FAT1: variants seen among roughly 807,000 people sequenced by gnomAD.
The protein encoded by FAT1 is FAT atypical cadherin 1, also known as protocadherin Fat 1.
FAT1 carries 171 observed loss-of-function variants against 329.8 expected under a neutral mutation model. The observed-to-expected ratio is 0.52, with a 90% CI of 0.46 to 0.59. The LOEUF (loss-of-function observed/expected upper bound fraction) is 0.59, where lower values mean the gene tolerates loss of function less well. Ranked by LOEUF, FAT1 falls within the 20% of genes least tolerant of loss-of-function variation. The pLI is 0.00. For synonymous variants in FAT1, 2,233 were observed against 2,228.6 expected (o/e 1.00, Z -0.06); for missense variants, 5,672 against 5,774.4 (o/e 0.98, Z 0.57).
chr4:186,642,231 A>G (rs1560959868), intron 3 of FAT1, among the ~76,000 whole-genome samples: 1 of 152,162 alleles, frequency 6.6e-6, no homozygotes, highest in Non-Finnish European at 1.5e-5. Flanking sequence ...AAGCGGGTTT[A>G]AACTTTTAAA....
chr4:186,588,518 T>G lies in FAT1; in HGVS notation c.*74A>C, dbSNP rs1440425494. On this transcript the variant is annotated 3_prime_UTR_variant, in exon 27 of 27. Coordinates refer to ENST00000441802, the MANE Select transcript of FAT1 (RefSeq NM_005245.4). ...ACCAAAAAAAGCTTGGAAGCACTGC[T>G]GCAAAGAACAGCGCGGATTACTCAC... is the stretch of plus-strand genomic sequence containing the variant. The G allele has an allele frequency of 2.0e-6, 3 of 1,508,988 alleles. No individual in the cohort carries two copies. Among genetic ancestry groups the G allele is most frequent in the East Asian group, 4.5e-5 (2 of 43,976 alleles). 93.5% of individuals were successfully genotyped at this position (1,508,988 alleles called of 1,614,324 possible).
At chr4:186,605,552 A>AGAGAAGGAGGAGGGG (rs1739085690) in intron 17 of FAT1, among the ~76,000 whole-genome samples, 1 of 89,752 alleles carries the variant, frequency 1.1e-5, no homozygotes. Flanking sequence ...AGGAGGAGGA[A>AGAGAAGGAGGAGGGG]TGGAGAAGAG....
intron 7 of FAT1, 67 bp downstream of exon 7, chr4:186,633,617 T>C: frequency 6.3e-7 from 1 of 1,579,234 alleles, no homozygotes. Flanking sequence ...ATATTGCCCG[T>C]GGACCCCTAA....
intron 11 of FAT1, 64 bp downstream of exon 11, chr4:186,616,941 T>C: frequency 7.1e-7 from 1 of 1,408,712 alleles, no homozygotes; most frequent in Non-Finnish European, 9.8e-7. Context: ...CAAATGATGG[T>C]CCCATTGAAA....
At chr4:186,720,251 T>C (rs1416122614) in intron 1 of FAT1, among the ~76,000 whole-genome samples, 1 of 152,214 alleles carries the variant, frequency 6.6e-6, no homozygotes, top group African/African-American at 2.4e-5. Flanking sequence ...ATACAGCTTA[T>C]TTGTTTTCAC....
chr4:186,702,734 C>T (rs1744388093), intron 2 of FAT1, among the ~76,000 whole-genome samples: 1 of 152,146 alleles, frequency 6.6e-6, no homozygotes, highest in Non-Finnish European at 1.5e-5. Context: ...TCCACACACC[C>T]ACAAGAGGGA....
At chr4:186,719,821 C>T (rs1453243081) in intron 1 of FAT1, among the ~76,000 whole-genome samples, 1 of 152,220 alleles carries the variant, frequency 6.6e-6, no homozygotes, top group Non-Finnish European at 1.5e-5. Flanking sequence ...TCTGCTGCTA[C>T]CACCTAGTTA....
rs774890495 is a variant in FAT1 at position 186,707,102 on chromosome 4, G to A, written c.2726C>T (p.Ser909Phe). ...DQAREEPQLF[S>F]TVVVKVSLED... The stretch of plus-strand genomic sequence containing the variant: ...TAGTGATACTTTCACAACGACAGTG[G>A]AGAACAGCTGAGGCTCTTCTCTGGC... Residue 909 changes from serine to phenylalanine, a missense_variant, in exon 2 of 27, where the codon TCC becomes TTC. Physicochemically the swap from Ser to Phe is radical, Grantham distance 155. Around this residue, in one of 2 missense-constraint regions of FAT1, gnomAD observed 3,966 missense variants for 3,915.2 expected, o/e 1.01. Transcript: ENST00000441802. The A allele has an allele frequency of 1.2e-6, 2 of 1,614,014 alleles. No homozygotes were observed. Among genetic ancestry groups the A allele is most frequent in the Non-Finnish European group, 1.7e-6 (2 of 1,179,892 alleles).
At chr4:186,682,156 C>T (rs1040763419) in intron 2 of FAT1, among the ~76,000 whole-genome samples, 3 of 152,166 alleles carry the variant, frequency 2.0e-5, no homozygotes, top group African/African-American at 7.2e-5. Flanking sequence ...GGTTGCCACC[C>T]AGATTCAGGA....
chr4:186,720,329 T>C (rs1388684901), intron 1 of FAT1, among the ~76,000 whole-genome samples: 1 of 152,262 alleles, frequency 6.6e-6, no homozygotes, highest in African/African-American at 2.4e-5. Flanking sequence ...AATCCTCCCT[T>C]TTTTAATAAG....
In FAT1 at chr4:186,603,580, T is replaced by C. The variant is rs373810205; in HGVS notation, c.10946A>G (p.Asn3649Ser). The C allele has an allele frequency of 3.7e-5, 59 of 1,613,850 alleles. No individual in the cohort carries two copies. Among genetic ancestry groups the C allele is most frequent in the South Asian group, 3.1e-4 (28 of 91,084 alleles). Residue 3649 changes from asparagine to serine, a missense_variant, in exon 19 of 27, where the codon AAC becomes AGC. Coordinates refer to ENST00000441802, the MANE Select transcript of FAT1 (RefSeq NM_005245.4). ...ACCAACGAATTCTTCCGGAGTGAGGTTGGCAAAGCGGATCGCGATGGTGTG... is the reference window on the plus strand; with the variant it reads ...ACCAACGAATTCTTCCGGAGTGAGGCTGGCAAAGCGGATCGCGATGGTGTG... ...LNHTIAIRFA[N>S]LTPEEFVGDY...
intron 3 of FAT1, among the ~76,000 whole-genome samples, chr4:186,644,809 AGTAGGTG>A (rs1741280057): frequency 6.6e-6 from 1 of 152,264 alleles, no homozygotes; most frequent in Non-Finnish European, 1.5e-5. Flanking sequence ...TCAAAGGACT[AGTAGGTG>A]AAGACAGTCA....
rs2126410059 is a variant in FAT1 at position 186,599,974 on chromosome 4, G to A, written c.12027C>T (p.Cys4009=). The change falls in exon 22 of 27, where the codon TGC becomes TGT. Residue 4009 remains cysteine, a synonymous_variant. Transcript: ENST00000441802. ...IEESVDVSPG[C]FLTATEDCAS... is the part of the protein sequence containing the mutation. ...CGCAGTCTTCCGTGGCCGTCAGGAA[G>A]CAGCCTGGAGATACATCCACCGACT... 6.2e-7 allele frequency: 1 copy of A among 1,614,006 alleles called. No individual in the cohort carries two copies.
chr4:186,680,781 T>C (rs1009551611), intron 2 of FAT1, among the ~76,000 whole-genome samples: 2 of 152,220 alleles, frequency 1.3e-5, no homozygotes, highest in Non-Finnish European at 2.9e-5. Flanking sequence ...AAGCCATAAC[T>C]GGAACCCAAA....
At position 186,611,928 on chromosome 4, in the gene FAT1, A is replaced by AG. The variant is rs528784558; in HGVS notation, c.9464-154_9464-153insC. ...AACCTCTGTCCCCCAGGTTCAAGCA[A>AG]TTCTCCTGCCTCAGCCTCCCGAGTG... On this transcript the variant is annotated intron_variant, in intron 13 of 26. Coordinates refer to ENST00000441802, the MANE Select transcript of FAT1 (RefSeq NM_005245.4). Among the ~76,000 whole-genome samples, 93 of 151,638 alleles carry AG rather than the reference A, an allele frequency of 6.1e-4. 1 individual carries two copies. In the East Asian group the frequency reaches 0.017, roughly 27 times the overall value.
Position 186,682,526 on chromosome 4 carries a change from C to CAAAAAA in FAT1, c.3266-18919_3266-18914dup, listed in dbSNP as rs10561120. ...TGAGTGAAAGAGCGAGACTCTGTCT[C>CAAAAAA]AAAAAAAAAAAAAAAAAAGAAAGTT... On this transcript the variant is annotated intron_variant, in intron 2 of 26. Coordinates refer to ENST00000441802, the MANE Select transcript of FAT1 (RefSeq NM_005245.4). Among the ~76,000 whole-genome samples, 308 of 119,632 alleles carry CAAAAAA rather than the reference C, an allele frequency of 2.6e-3. 16 individuals carry two copies. Among genetic ancestry groups the CAAAAAA allele is most frequent in the African/African-American group, 1.0e-2 (253 of 25,340 alleles). The allele number at this position is 119,632 out of a possible 152,430, so 78.5% of individuals were successfully genotyped here.
At chr4:186,637,899 C>G (rs886890763) in intron 4 of FAT1, among the ~76,000 whole-genome samples, 4 of 152,172 alleles carry the variant, frequency 2.6e-5, no homozygotes, top group African/African-American at 9.7e-5. Context: ...TATTATTTAC[C>G]TTCCTAAGCT....
chr4:186,717,861 A>G (rs1745287748), intron 1 of FAT1, among the ~76,000 whole-genome samples: 1 of 152,000 alleles, frequency 6.6e-6, no homozygotes, highest in Non-Finnish European at 1.5e-5. Flanking sequence ...TCCTCCAACC[A>G]CTTTCTCCTC....
chr4:186,679,736 A>G (rs1156956164), intron 2 of FAT1, among the ~76,000 whole-genome samples: 6 of 152,210 alleles, frequency 3.9e-5, no homozygotes, highest in Admixed American at 2.0e-4. Context: ...AGTTTAGAAG[A>G]TGATTTTTGA....
Sources: allele counts gnomAD v4.1 joint callset (sites outside exome capture counted in the v4.1 genomes callset), GRCh38; gene constraint gnomAD v4.1.1; regional missense constraint gnomAD v4.1.1; transcripts MANE v1.5; gene names NCBI Gene and HGNC (gene_info 2026-07-23, HGNC 2026-07-21).